EVC: variants seen among roughly 807,000 people sequenced by gnomAD.
EVC encodes the protein EvC ciliary complex subunit 1.
Under a neutral mutation model 118.9 loss-of-function variants are expected in EVC, and 116 were observed. The observed-to-expected ratio is 0.98, with a 90% CI of 0.84 to 1.14. The LOEUF is 1.14. Ranked by LOEUF, EVC falls within the 50% of genes most tolerant of loss-of-function variation. The pLI is 0.00. For synonymous variants in EVC, 619 were observed against 534.7 expected (o/e 1.16, Z -2.18); for missense variants, 1,401 against 1,246.4 (o/e 1.12, Z -1.87).
At chr4:5,787,421 GAGC>G (rs1711890236) in intron 12 of EVC, among the ~76,000 whole-genome samples, 1 of 152,240 alleles carries the variant, frequency 6.6e-6, no homozygotes, top group Non-Finnish European at 1.5e-5. Flanking sequence ...AGTGAAAAAG[GAGC>G]AGCAGTGCCA....
chr4:5,775,641 T>A (rs543356664), intron 11 of EVC, among the ~76,000 whole-genome samples: 1 of 152,314 alleles, frequency 6.6e-6, no homozygotes, highest in Non-Finnish European at 1.5e-5. Flanking sequence ...CTGTGGAGTG[T>A]TCTGTTGTAT....
In EVC at chr4:5,793,710, ACTGAAGAGTGAGTACAGCTCC is replaced by A; in HGVS notation, c.1886_1886+20del. 1 of 1,549,964 alleles carries A rather than the reference ACTGAAGAGTGAGTACAGCTCC, an allele frequency of 6.5e-7. No homozygotes were observed. Among genetic ancestry groups the A allele is most frequent in the Non-Finnish European group, 8.7e-7 (1 of 1,146,882 alleles). ...CGTCTTGGGCCGACTGGGCGGCCTC[ACTGAAGAGTGAGTACAGCTCC>A]CTGAAGGCCCAGGGCTTTGTGTCCT... On this transcript the variant is annotated splice_donor_variant and splice_donor_5th_base_variant and coding_sequence_variant and intron_variant, in exon 13 of 21. Coordinates refer to ENST00000264956, the MANE Select transcript of EVC (RefSeq NM_153717.3). LOFTEE classifies it high-confidence loss of function.
At chr4:5,771,873 T>A (rs960545742) in intron 11 of EVC, among the ~76,000 whole-genome samples, 2 of 150,066 alleles carry the variant, frequency 1.3e-5, no homozygotes, top group Admixed American at 6.7e-5. Flanking sequence ...GCTAACGGAA[T>A]GTGGCTTTTT....
Position 5,738,752 on chromosome 4 carries a change from A to T in EVC, c.703-2964A>T, listed in dbSNP as rs1728065946. Among the ~76,000 whole-genome samples, 1 of 151,980 alleles carries T rather than the reference A, an allele frequency of 6.6e-6. No individual in the cohort carries two copies. Among genetic ancestry groups the T allele is most frequent in the South Asian group, 2.1e-4 (1 of 4,814 alleles). On this transcript the variant is annotated intron_variant, in intron 5 of 20. Coordinates refer to ENST00000264956, the MANE Select transcript of EVC (RefSeq NM_153717.3). The surrounding 1 kb of genome is among the most constrained non-coding windows in gnomAD (Gnocchi z 6.5). ...CAGACAATTTTTGCATTTTTAGTAG[A>T]GACGGGGTTTCACCATGTTGGCCAG... is the stretch of plus-strand genomic sequence containing the variant.
At chr4:5,825,841 A>T in the EVC span, 1 of 607,630 alleles carries the variant, frequency 1.6e-6, no homozygotes, top group South Asian at 2.1e-5. The surrounding 1 kb of genome is among the most constrained non-coding windows in gnomAD (Gnocchi z 4.4). Context: ...GCACACAGGC[A>T]TTCATACACA....
At chr4:5,801,722 C>G in intron 15 of EVC, 1 of 520,034 alleles carries the variant, frequency 1.9e-6, no homozygotes, top group East Asian at 3.4e-5. Context: ...AGCCGACTTT[C>G]CCTAACATCG....
chr4:5,795,458 C>T (rs1713766641), intron 13 of EVC, among the ~76,000 whole-genome samples: 4 of 152,048 alleles, frequency 2.6e-5, no homozygotes, highest in South Asian at 4.2e-4. Context: ...TCAAGACCAC[C>T]CTAGGCAGCA....
At chr4:5,825,658 A>G in the EVC span, 1 of 1,612,398 alleles carries the variant, frequency 6.2e-7, no homozygotes, top group Non-Finnish European at 8.5e-7. The surrounding 1 kb of genome is among the most constrained non-coding windows in gnomAD (Gnocchi z 4.4). Flanking sequence ...CAATCCAAAA[A>G]CCTAAACAGA....
At position 5,772,025 on chromosome 4, in the gene EVC, G is replaced by T. The variant is rs976142732; in HGVS notation, c.1564-11527G>T. Among the ~76,000 whole-genome samples, 13 of 152,110 alleles carry T rather than the reference G, an allele frequency of 8.5e-5. 1 individual carries two copies. The highest frequency in any genetic ancestry group is 2.9e-4 in the African/African-American group (12 of 41,456). On this transcript the variant is annotated intron_variant, in intron 11 of 20. Transcript: ENST00000264956. ...CCATTCTCCTGTCTCAGCCTCCCGG[G>T]TAGCTGGGACTACAGGCACCGCCAC...
rs1717005758 is a variant in EVC at position 5,812,119 on chromosome 4, CT to C, written c.*1083del. 6.8e-6 allele frequency: 1 copy of C among 146,008 alleles called. No individual in the cohort carries two copies. Among genetic ancestry groups the C allele is most frequent in the Non-Finnish European group, 1.4e-5 (1 of 69,178 alleles). The allele number at this position is 146,008 out of a possible 1,614,324, so 9.0% of individuals were successfully genotyped here. A position where few individuals can be genotyped will look rare whatever the true frequency, so the allele number is the denominator to read the frequency against. ...CACAGCCAGGAGAGGCCTTTCCCAC[CT>C]GGAGAGAAACTTCCAGACCAGCCCC... On this transcript the variant is annotated 3_prime_UTR_variant, in exon 21 of 21. Transcript: ENST00000264956.
chr4:5,720,482 T>C (rs1202974262), intron 2 of EVC, among the ~76,000 whole-genome samples: 1 of 151,856 alleles, frequency 6.6e-6, no homozygotes, highest in Non-Finnish European at 1.5e-5. Context: ...ACTTCTAGCC[T>C]CTGCTCCTTT....
Position 5,798,299 on chromosome 4 carries a change from T to A in EVC, c.2098-287T>A, listed in dbSNP as rs1714347242. ...GTGCTAGTGTTCAGGTCTCATGATG[T>A]TCTAGAAGGATGAGCAAGGCCCCCC... On this transcript the variant is annotated intron_variant, in intron 14 of 20. Coordinates refer to ENST00000264956, the MANE Select transcript of EVC (RefSeq NM_153717.3). This position sits in a 1 kb window ranked among gnomAD's most constrained non-coding sequence, Gnocchi z 4.1. 1.3e-5 allele frequency among the ~76,000 whole-genome samples: 2 copies of A among 152,168 alleles called. No homozygotes were observed. The highest frequency in any genetic ancestry group is 1.3e-4 in the Admixed American group (2 of 15,276).
chr4:5,791,848 C>G (rs897107920), intron 12 of EVC, among the ~76,000 whole-genome samples: 14 of 152,162 alleles, frequency 9.2e-5, no homozygotes, highest in African/African-American at 2.9e-4. Context: ...AATGCCCAGA[C>G]ACCCCGCCCT....
chr4:5,794,247 ATATTTATATG>A (rs59368343), intron 13 of EVC, among the ~76,000 whole-genome samples: 61,954 of 118,982 alleles, frequency 0.52, 17,731 homozygotes, highest in South Asian at 0.75. Flanking sequence ...ATTTATATAT[ATATTTATATG>A]TATTTATATA....
At chr4:5,785,319 T>A (rs1356766847) in intron 12 of EVC, among the ~76,000 whole-genome samples, 2 of 152,176 alleles carry the variant, frequency 1.3e-5, no homozygotes, top group Non-Finnish European at 2.9e-5. Flanking sequence ...TGTTAAGCCA[T>A]TACCGCAGCC....
chr4:5,784,223 C>A (rs1165390190), intron 12 of EVC, among the ~76,000 whole-genome samples: 1 of 152,036 alleles, frequency 6.6e-6, no homozygotes, highest in Non-Finnish European at 1.5e-5. Flanking sequence ...AAGGCAGGTG[C>A]GGTTGAGTGA....
At chr4:5,799,243 A>C (rs1394728084) in intron 15 of EVC, among the ~76,000 whole-genome samples, 1 of 152,198 alleles carries the variant, frequency 6.6e-6, no homozygotes, top group Non-Finnish European at 1.5e-5. Flanking sequence ...GCCGCTAAAA[A>C]TCAGTTCAGC....
At chr4:5,780,347 A>C (rs963342596) in intron 11 of EVC, among the ~76,000 whole-genome samples, 1 of 152,250 alleles carries the variant, frequency 6.6e-6, no homozygotes, top group African/African-American at 2.4e-5. Context: ...AAAAACAATT[A>C]TCCATGTAGC....
chr4:5,781,626 C>G (rs1056376647), intron 11 of EVC, among the ~76,000 whole-genome samples: 5 of 152,068 alleles, frequency 3.3e-5, no homozygotes, highest in African/African-American at 1.2e-4. Flanking sequence ...CATTTGAGCT[C>G]AGGAGTTCGA....
Sources: allele counts gnomAD v4.1 joint callset (sites outside exome capture counted in the v4.1 genomes callset), GRCh38; gene constraint gnomAD v4.1.1; non-coding constraint Gnocchi (gnomAD v3.1); transcripts MANE v1.5; gene names NCBI Gene and HGNC (gene_info 2026-07-23, HGNC 2026-07-21).